Variants in PTPRT observed in about 807,000 individuals in gnomAD.
PTPRT encodes receptor-type tyrosine-protein phosphatase T.
PTPRT carries 56 observed loss-of-function variants against 176.8 expected under a neutral mutation model. The ratio of observed to expected loss-of-function variants is 0.32; its 90% CI spans 0.26 to 0.40. The LOEUF (loss-of-function observed/expected upper bound fraction) is 0.40, where lower values mean the gene tolerates loss of function less well. Among genes scored for constraint, PTPRT ranks in the 10% least tolerant of loss-of-function variants. The probability of loss-of-function intolerance (pLI) is 1.00; values close to 1 mark genes in which losing one functional copy is unlikely to be tolerated. For missense variants in PTPRT, 1,540 were observed against 1,908.2 expected, an observed-to-expected ratio of 0.81 and a Z score of 3.60; for synonymous variants, 783 against 739.0, an observed-to-expected ratio of 1.06 and a Z score of -0.96.
At chr20:42,392,399 C>T (rs1435656776) in intron 9 of PTPRT, among the ~76,000 whole-genome samples, 1 of 151,858 alleles carries the variant, frequency 6.6e-6, no homozygotes, top group East Asian at 1.9e-4. Context: ...TACTGAAGGG[C>T]GTTTGCTTTA....
chr20:43,147,724 C>T (rs1189674702), intron 1 of PTPRT, among the ~76,000 whole-genome samples: 2 of 152,188 alleles, frequency 1.3e-5, no homozygotes, highest in East Asian at 3.9e-4. Context: ...AAGAGCATCC[C>T]TTCTTCATCA....
chr20:42,149,422 A>ATTTTT (rs11479052), intron 17 of PTPRT, among the ~76,000 whole-genome samples: 52 of 143,990 alleles, frequency 3.6e-4, no homozygotes, highest in African/African-American at 1.2e-3. Flanking sequence ...AAAGTTTTGG[A>ATTTTT]TTTTTTTTTT....
At chr20:42,490,810 G>A (rs539556904) in intron 7 of PTPRT, among the ~76,000 whole-genome samples, 1 of 152,186 alleles carries the variant, frequency 6.6e-6, no homozygotes, top group South Asian at 2.1e-4. Context: ...TATAATATTT[G>A]CTGTAGAATT....
chr20:42,172,076 T>A (rs567934498), intron 16 of PTPRT, among the ~76,000 whole-genome samples: 100 of 151,952 alleles, frequency 6.6e-4, no homozygotes, highest in Non-Finnish European at 1.2e-3. Context: ...TTAGATTGAT[T>A]AAAGAGAAAA....
intron 6 of PTPRT, among the ~76,000 whole-genome samples, chr20:42,699,457 T>C (rs188028144): frequency 6.6e-6 from 1 of 151,194 alleles, no homozygotes; most frequent in East Asian, 1.9e-4. Context: ...ATTTTAATAG[T>C]CAAAAATGTA....
intron 6 of PTPRT, among the ~76,000 whole-genome samples, chr20:42,743,155 G>C (rs767777751): frequency 3.9e-5 from 6 of 152,172 alleles, no homozygotes; most frequent in Non-Finnish European, 7.3e-5. Context: ...CGTACCACCA[G>C]GCCGCATTCC....
intron 9 of PTPRT, among the ~76,000 whole-genome samples, chr20:42,420,662 C>A (rs2059110030): frequency 6.6e-6 from 1 of 152,192 alleles, no homozygotes; most frequent in African/African-American, 2.4e-5. Context: ...GTAGTCCTCA[C>A]AGCCCCCACC....
intron 1 of PTPRT, among the ~76,000 whole-genome samples, chr20:43,075,382 C>T (rs756608706): frequency 9.9e-5 from 15 of 152,264 alleles, no homozygotes; most frequent in East Asian, 5.8e-4. Context: ...CTCCGCAGAG[C>T]GCTGGAATGA....
intron 1 of PTPRT, among the ~76,000 whole-genome samples, chr20:43,072,253 G>A (rs760579919): frequency 6.6e-6 from 1 of 152,188 alleles, no homozygotes; most frequent in African/African-American, 2.4e-5. Context: ...TCATGCATTG[G>A]CTATAATAGT....
intron 7 of PTPRT, among the ~76,000 whole-genome samples, chr20:42,651,973 G>A (rs1021688243): frequency 7.2e-5 from 11 of 151,830 alleles, no homozygotes; most frequent in East Asian, 3.9e-4. Flanking sequence ...GCTTGAACCC[G>A]GGAGGTGGAG....
intron 7 of PTPRT, among the ~76,000 whole-genome samples, chr20:42,619,675 C>T (rs2074150493): frequency 7.3e-6 from 1 of 136,690 alleles, no homozygotes; most frequent in African/African-American, 3.3e-5. Context: ...TCCCTTCTCG[C>T]TTCATTTCAT....
intron 1 of PTPRT, among the ~76,000 whole-genome samples, chr20:43,069,149 T>C (rs951371827): frequency 6.6e-6 from 1 of 152,222 alleles, no homozygotes; most frequent in Non-Finnish European, 1.5e-5. Context: ...AATACATGTT[T>C]GATCCCAGCC....
chr20:43,166,111 G>A lies in PTPRT; in HGVS notation c.88+23535C>T, dbSNP rs186204542. On this transcript the variant is annotated intron_variant, in intron 1 of 30. Transcript: ENST00000373187. ...AGGCCAAGGCAGGCAGATCACCTGA[G>A]GTCAGGAGTTCGAGACCATCGTGGC... Among the ~76,000 whole-genome samples, 3 of 152,240 alleles carry A rather than the reference G, an allele frequency of 2.0e-5. No individual in the cohort carries two copies. In the East Asian group the frequency reaches 5.8e-4, roughly 29 times the overall value.
Position 43,048,574 on chromosome 20 carries a change from G to C in PTPRT, c.88+141072C>G, listed in dbSNP as rs536742805. ...GGCTTGGCCCCAGGCAGTGGGCCAA[G>C]GGGGTGGGAAACAGCAGATATTTGA... On this transcript the variant is annotated intron_variant, in intron 1 of 30. Transcript: ENST00000373187. Among the ~76,000 whole-genome samples the C allele has an allele frequency of 1.7e-4, 26 of 152,262 alleles. No homozygotes were observed. In the East Asian group the frequency reaches 4.4e-3, roughly 26 times the overall value.
intron 1 of PTPRT, among the ~76,000 whole-genome samples, chr20:42,947,780 C>T (rs1980978943): frequency 1.3e-5 from 2 of 152,052 alleles, no homozygotes; most frequent in South Asian, 4.2e-4. Flanking sequence ...ATGAGGCCAC[C>T]CCACCCCAGG....
chr20:43,039,768 C>T (rs1326824544), intron 1 of PTPRT, among the ~76,000 whole-genome samples: 1 of 152,100 alleles, frequency 6.6e-6, no homozygotes, highest in African/African-American at 2.4e-5. Context: ...AGGCCGGGTG[C>T]ACTGGCTCAC....
chr20:42,210,546 T>C (rs1310686042), intron 15 of PTPRT, among the ~76,000 whole-genome samples: 2 of 152,078 alleles, frequency 1.3e-5, no homozygotes, highest in Non-Finnish European at 2.9e-5. Flanking sequence ...CCATTCACAA[T>C]TGCCTCAAAG....
At chr20:42,101,409 C>T (rs1985924090) in intron 26 of PTPRT, among the ~76,000 whole-genome samples, 1 of 152,114 alleles carries the variant, frequency 6.6e-6, no homozygotes, top group Non-Finnish European at 1.5e-5. Flanking sequence ...CACCTGTACA[C>T]CTTGGAGGGG....
chr20:42,189,264 A>T (rs1315209806), intron 16 of PTPRT, among the ~76,000 whole-genome samples: 1 of 152,178 alleles, frequency 6.6e-6, no homozygotes, highest in Non-Finnish European at 1.5e-5. Flanking sequence ...ACTATTTTCA[A>T]ATCAAAATCC....
Sources: gnomAD v4.1 joint callset for allele counts (sites outside exome capture counted in the v4.1 genomes callset) on GRCh38, gnomAD v4.1.1 for gene constraint, MANE v1.5 for transcripts, NCBI Gene and HGNC (gene_info 2026-07-23, HGNC 2026-07-21) for gene names.